PVT1: variants seen among roughly 807,000 people sequenced by gnomAD.
PVT1 encodes CXCR4/PVT1 fusion.
At chr8:127,984,992 T>TC (rs1563657736) in intron 3 of PVT1, among the ~76,000 whole-genome samples, 7,295 of 92,870 alleles carry the variant, frequency 0.079, 1,082 homozygotes, top group Middle Eastern at 0.18. Flanking sequence ...TCTTTCTTTC[T>TC]CTTTCCTTCC....
At chr8:127,958,491 G>A (rs186902565) in intron 3 of PVT1, among the ~76,000 whole-genome samples, 3 of 152,266 alleles carry the variant, frequency 2.0e-5, no homozygotes, top group Non-Finnish European at 4.4e-5. Flanking sequence ...CGCCTGCTTT[G>A]GCCTCCCAAA....
rs868569065 is a variant in PVT1, at chr8:127,948,054, C to G, written n.783-41108C>G. 6 of 387,676 alleles carry G rather than the reference C, an allele frequency of 1.5e-5. No homozygotes were observed. In the Middle Eastern group the frequency reaches 1.5e-3, roughly 95 times the overall value. The allele number at this position is 387,676 out of a possible 1,614,324, so 24.0% of individuals were successfully genotyped here. A position where few individuals can be genotyped will look rare whatever the true frequency, so the allele number is the denominator to read the frequency against. ...TCTCATTTGTTGAAATTCCTAGAAT[C>G]CCAGAGAAGTAAGTTTTAGCTTTCT... On this transcript the variant is annotated intron_variant and non_coding_transcript_variant, in intron 3 of 10. Coordinates refer to ENST00000651587, the Ensembl canonical transcript of PVT1.
At chr8:127,889,394 T>A (rs1815571730) in intron 2 of PVT1, among the ~76,000 whole-genome samples, 1 of 151,656 alleles carries the variant, frequency 6.6e-6, no homozygotes, top group Non-Finnish European at 1.5e-5. Context: ...CATCACAAAG[T>A]GCTAGGATTA....
In PVT1 at chr8:127,991,452, C is replaced by T. The variant is rs543162250; in HGVS notation, n.912+2161C>T. Among the ~76,000 whole-genome samples, 178 of 152,182 alleles carry T rather than the reference C, an allele frequency of 1.2e-3. 1 individual carries two copies. The highest frequency in any genetic ancestry group is 4.0e-3 in the African/African-American group (166 of 41,510). ...AGTCACTGAATTATGTCTTGGGAGCCCATGCTTCTGAGGCAGGCTTAGGGA... is the reference window on the plus strand; with the variant it reads ...AGTCACTGAATTATGTCTTGGGAGCTCATGCTTCTGAGGCAGGCTTAGGGA... On this transcript the variant is annotated intron_variant and non_coding_transcript_variant, in intron 4 of 10. Transcript: ENST00000651587.
At chr8:128,031,102 C>T (rs1369529862) in intron 4 of PVT1, among the ~76,000 whole-genome samples, 1 of 152,234 alleles carries the variant, frequency 6.6e-6, no homozygotes, top group Non-Finnish European at 1.5e-5. Context: ...ACACTGGGGT[C>T]GGCGCACCTG....
At chr8:127,890,684 C>T (rs1168001082) in exon 3 of PVT1, 1 of 152,262 alleles carries the variant, frequency 6.6e-6, no homozygotes, top group Non-Finnish European at 1.5e-5. Context: ...TTTTCTGAGC[C>T]TGATGGATTT....
intron 3 of PVT1, among the ~76,000 whole-genome samples, chr8:127,932,191 C>G (rs915949224): frequency 6.6e-6 from 1 of 152,188 alleles, no homozygotes; most frequent in South Asian, 2.1e-4. Context: ...TGCCAGCACT[C>G]GAGGCAGGTG....
chr8:128,000,183 C>G (rs1333536101), intron 4 of PVT1, among the ~76,000 whole-genome samples: 2 of 152,196 alleles, frequency 1.3e-5, no homozygotes, highest in Admixed American at 1.3e-4. Flanking sequence ...TTGGTTAGCC[C>G]CATCAGGGAT....
intron 5 of PVT1, among the ~76,000 whole-genome samples, chr8:128,083,191 A>G (rs548372019): frequency 9.2e-4 from 140 of 152,366 alleles, no homozygotes; most frequent in Non-Finnish European, 1.8e-3. Context: ...CTGTTGAATA[A>G]AGGATAATAG....
intron 2 of PVT1, among the ~76,000 whole-genome samples, chr8:127,846,456 A>C (rs1225031084): frequency 6.6e-6 from 1 of 152,070 alleles, no homozygotes; most frequent in African/African-American, 2.4e-5. Context: ...CCTTGCTCTT[A>C]CCCTTGCATT....
intron 3 of PVT1, among the ~76,000 whole-genome samples, chr8:127,949,294 C>T (rs1173280069): frequency 6.6e-6 from 1 of 151,132 alleles, no homozygotes; most frequent in Non-Finnish European, 1.5e-5. Flanking sequence ...TAGTGCCTGG[C>T]CTATGGGACA....
chr8:127,813,214 T>TATATATAATATATATACAA (rs57342962), intron 2 of PVT1, among the ~76,000 whole-genome samples: 2 of 139,960 alleles, frequency 1.4e-5, no homozygotes, highest in East Asian at 2.0e-4. Context: ...TATACAAATA[T>TATATATAATATATATACAA]ATATATATAA....
intron 2 of PVT1, among the ~76,000 whole-genome samples, chr8:127,879,198 A>G (rs958243683): frequency 6.6e-6 from 1 of 152,228 alleles, no homozygotes; most frequent in South Asian, 2.1e-4. Context: ...TTCTCATCAC[A>G]TAATTCTTCA....
At chr8:127,980,228 A>G (rs1466927605) in intron 3 of PVT1, among the ~76,000 whole-genome samples, 1 of 152,122 alleles carries the variant, frequency 6.6e-6, no homozygotes, top group Non-Finnish European at 1.5e-5. Flanking sequence ...CTAGTACATA[A>G]AAGCACACAG....
At chr8:127,806,847 C>T (rs188763845) in intron 2 of PVT1, among the ~76,000 whole-genome samples, 83 of 152,244 alleles carry the variant, frequency 5.5e-4, no homozygotes, top group Non-Finnish European at 1.0e-3. Context: ...CATTCGGGAC[C>T]CTTCCATGTT....
chr8:127,932,404 G>A (rs920936235), intron 3 of PVT1: 73 of 398,444 alleles, frequency 1.8e-4, no homozygotes, highest in African/African-American at 1.3e-3. Context: ...AAGGAGGCTC[G>A]AACATGGGAG....
intron 2 of PVT1, among the ~76,000 whole-genome samples, chr8:127,856,923 C>T (rs1280481479): frequency 6.6e-6 from 1 of 152,112 alleles, no homozygotes; most frequent in African/African-American, 2.4e-5. Flanking sequence ...GTTACTGAAG[C>T]TGAAGCTAAA....
At position 127,826,994 on chromosome 8, in the gene PVT1, C is replaced by CT. The variant is rs5894901; in HGVS notation, n.372+30941dup. Among the ~76,000 whole-genome samples, 184 of 113,932 alleles carry CT rather than the reference C, an allele frequency of 1.6e-3. 2 individuals are homozygous for CT. Among genetic ancestry groups the CT allele is most frequent in the Middle Eastern group, 4.5e-3 (1 of 224 alleles). The allele number at this position is 113,932 out of a possible 152,430, so 74.7% of individuals were successfully genotyped here. On this transcript the variant is annotated intron_variant and non_coding_transcript_variant, in intron 2 of 10. Transcript: ENST00000651587. ...TTTCTTTTTCTTTCTTTCTTTTTCT[C>CT]TTTTTTTTTTTTTTTTTTGAGATGG...
At chr8:128,006,524 C>T (rs1817249426) in intron 4 of PVT1, among the ~76,000 whole-genome samples, 1 of 151,980 alleles carries the variant, frequency 6.6e-6, no homozygotes, top group African/African-American at 2.4e-5. Context: ...AGTATCTTGT[C>T]AGGAGATGCT....
Sources: gnomAD v4.1 joint callset for allele counts (sites outside exome capture counted in the v4.1 genomes callset) on GRCh38, gnomAD v4.1.1 for gene constraint, MANE v1.5 for transcripts, NCBI Gene and HGNC (gene_info 2026-07-23, HGNC 2026-07-21) for gene names.